Variants in MAD1L1 observed in about 807,000 individuals in gnomAD.
MAD1L1 encodes mitotic spindle assembly checkpoint protein MAD1.
A neutral mutation model predicts 96.9 loss-of-function variants in MAD1L1; 95 were observed. That is an observed-to-expected ratio of 0.98 (90% CI 0.83 to 1.16). The LOEUF (loss-of-function observed/expected upper bound fraction) is 1.16, where lower values mean the gene tolerates loss of function less well. Among genes scored for constraint, MAD1L1 ranks in the 50% most tolerant of loss-of-function variants. The probability of loss-of-function intolerance (pLI) is 0.00; values close to 1 mark genes in which losing one functional copy is unlikely to be tolerated. For synonymous variants in MAD1L1, 473 were observed against 396.6 expected, an observed-to-expected ratio of 1.19 and a Z score of -2.29; for missense variants, 1,007 against 954.4, an observed-to-expected ratio of 1.06 and a Z score of -0.73.
intron 17 of MAD1L1, among the ~76,000 whole-genome samples, chr7:1,933,897 G>C (rs1050707360): frequency 3.3e-5 from 5 of 152,198 alleles, no homozygotes; most frequent in African/African-American, 7.2e-5. Context: ...GGCTGCGTTG[G>C]AGTTTTGAGG....
At chr7:2,069,911 C>T (rs1423893360) in intron 11 of MAD1L1, among the ~76,000 whole-genome samples, 1 of 152,226 alleles carries the variant, frequency 6.6e-6, no homozygotes, top group African/African-American at 2.4e-5. Flanking sequence ...CTTTTGAAAC[C>T]TCCCTTTTCC....
chr7:1,898,130 A>G (rs1787001695), intron 18 of MAD1L1, 70 bp downstream of exon 18: 1 of 1,484,374 alleles, frequency 6.7e-7, no homozygotes, highest in Non-Finnish European at 9.2e-7. Flanking sequence ...GCTGAGGGCT[A>G]CGGTCGGATC....
At chr7:2,149,302 A>G in intron 10 of MAD1L1, 64 bp from the exon 11 acceptor site, 1 of 1,370,286 alleles carries the variant, frequency 7.3e-7, no homozygotes, top group Non-Finnish European at 1.0e-6. Flanking sequence ...GATTCTGCAC[A>G]CAAAACAGAA....
chr7:2,128,172 G>A (rs1394700426), intron 11 of MAD1L1, among the ~76,000 whole-genome samples: 1 of 152,106 alleles, frequency 6.6e-6, no homozygotes, highest in African/African-American at 2.4e-5. Flanking sequence ...TCATGAAGCC[G>A]GACAATTGTC....
At chr7:2,221,069 C>T (rs1303141634) in intron 5 of MAD1L1, 1 of 1,590,504 alleles carries the variant, frequency 6.3e-7, no homozygotes, top group South Asian at 1.1e-5. Flanking sequence ...GGGAGGGCTT[C>T]CCTGAGGAGC....
At chr7:1,906,357 G>C (rs1033018403) in intron 17 of MAD1L1, among the ~76,000 whole-genome samples, 4 of 152,222 alleles carry the variant, frequency 2.6e-5, no homozygotes, top group Non-Finnish European at 1.5e-5. Context: ...AGCTGAGGCA[G>C]GGCTCTCTCC....
chr7:2,186,609 GATTTAC>G, intron 10 of MAD1L1, among the ~76,000 whole-genome samples: 1 of 152,272 alleles, frequency 6.6e-6, no homozygotes, highest in Admixed American at 6.5e-5. Context: ...AGTGAGGATG[GATTTAC>G]ATTATCCTGT....
intron 12 of MAD1L1, among the ~76,000 whole-genome samples, chr7:2,022,368 T>G (rs954195213): frequency 2.6e-5 from 4 of 152,198 alleles, no homozygotes; most frequent in Non-Finnish European, 5.9e-5. Context: ...GCTTGGCTCA[T>G]GCCTGTAATC....
intron 16 of MAD1L1, among the ~76,000 whole-genome samples, chr7:1,941,360 G>C (rs1778989786): frequency 6.6e-6 from 1 of 152,180 alleles, no homozygotes; most frequent in Non-Finnish European, 1.5e-5. Context: ...CCCTGATGGG[G>C]GGCTTGAGGT....
chr7:2,085,454 G>A (rs548397084), intron 11 of MAD1L1, among the ~76,000 whole-genome samples: 2 of 152,320 alleles, frequency 1.3e-5, no homozygotes, highest in East Asian at 3.9e-4. Flanking sequence ...TTCTCCCAGG[G>A]CAGTGGCCAC....
intron 17 of MAD1L1, among the ~76,000 whole-genome samples, chr7:1,936,222 G>A (rs1247722676): frequency 2.0e-5 from 3 of 152,256 alleles, no homozygotes; most frequent in Admixed American, 6.5e-5. Flanking sequence ...ATGTAGACCT[G>A]GAGGGTGTGG....
At chr7:1,906,061 A>G (rs1394432400) in intron 17 of MAD1L1, among the ~76,000 whole-genome samples, 6 of 151,218 alleles carry the variant, frequency 4.0e-5, no homozygotes, top group African/African-American at 1.2e-4. Flanking sequence ...AAAAAAAAAA[A>G]AAAAAAAAAA....
At chr7:1,872,844 T>C (rs1480420929) in intron 18 of MAD1L1, 7 of 152,222 alleles carry the variant, frequency 4.6e-5, no homozygotes. Flanking sequence ...TCGTTCTGTT[T>C]GGAGAGGACA....
chr7:1,963,553 C>A (rs1034932918), intron 15 of MAD1L1, among the ~76,000 whole-genome samples: 1 of 152,204 alleles, frequency 6.6e-6, no homozygotes, highest in Non-Finnish European at 1.5e-5. Context: ...CACTTGACAT[C>A]GCGCAGCTTA....
intron 18 of MAD1L1, among the ~76,000 whole-genome samples, chr7:1,854,527 C>T (rs934569926): frequency 1.3e-5 from 2 of 151,254 alleles, no homozygotes; most frequent in South Asian, 4.2e-4. Context: ...GGGGAAGGGG[C>T]GGGGGGACTC....
chr7:1,966,744 C>T (rs923421346), intron 15 of MAD1L1, among the ~76,000 whole-genome samples: 1 of 152,224 alleles, frequency 6.6e-6, no homozygotes, highest in African/African-American at 2.4e-5. Context: ...GCGATTCGAG[C>T]GTCTGCAAAT....
chr7:2,223,839 G>T (rs954124925), intron 4 of MAD1L1, among the ~76,000 whole-genome samples: 1 of 78,404 alleles, frequency 1.3e-5, no homozygotes, highest in Non-Finnish European at 2.4e-5. Flanking sequence ...AGACACTTAA[G>T]TCTCGCCCCT....
intron 17 of MAD1L1, among the ~76,000 whole-genome samples, chr7:1,902,058 G>C (rs1178480225): frequency 6.6e-6 from 1 of 152,198 alleles, no homozygotes; most frequent in Non-Finnish European, 1.5e-5. Context: ...GGGAGTCAGA[G>C]AGGATGCAGC....
At chr7:1,916,797 C>T (rs1214748175) in intron 17 of MAD1L1, among the ~76,000 whole-genome samples, 1 of 152,078 alleles carries the variant, frequency 6.6e-6, no homozygotes, top group Non-Finnish European at 1.5e-5. Context: ...GGCTGGGCTC[C>T]CAGGAACTCC....
Sources: allele counts gnomAD v4.1 joint callset (sites outside exome capture counted in the v4.1 genomes callset), GRCh38; gene constraint gnomAD v4.1.1; transcripts MANE v1.5; gene names NCBI Gene and HGNC (gene_info 2026-07-23, HGNC 2026-07-21).